The following TBXAS1 variants were observed in gnomAD, a reference collection of about 807,000 sequenced individuals.
TBXAS1 encodes thromboxane-A synthase.
In TBXAS1, 48 loss-of-function variants were observed where a neutral mutation model predicts 60.7. The observed-to-expected ratio is 0.79, with a 90% CI of 0.63 to 1.01. TBXAS1 has a LOEUF of 1.01. Ranked by LOEUF, TBXAS1 falls within the 50% of genes least tolerant of loss-of-function variation. The pLI, the probability that TBXAS1 is intolerant of heterozygous loss-of-function variation, is 0.00. For missense variants in TBXAS1, 685 were observed against 686.3 expected (o/e 1.00, Z 0.02); for synonymous variants, 287 against 269.7 (o/e 1.06, Z -0.63).
At chr7:139,958,693 C>T (rs1207412590) in intron 8 of TBXAS1, among the ~76,000 whole-genome samples, 5 of 152,200 alleles carry the variant, frequency 3.3e-5, no homozygotes, top group African/African-American at 1.2e-4. Context: ...GCAGCAGCCG[C>T]GTCCTGTGCA....
chr7:139,851,202 A>G (rs541568324), intron 1 of TBXAS1, among the ~76,000 whole-genome samples: 2 of 152,296 alleles, frequency 1.3e-5, no homozygotes, highest in African/African-American at 4.8e-5. Context: ...AATAATCTTC[A>G]CTTGACAGAC....
At position 139,987,693 on chromosome 7, in the gene TBXAS1, G is replaced by A. The variant is rs114573343; in HGVS notation, c.1135-19398G>A. The stretch of plus-strand genomic sequence containing the variant: ...TGTTTAATTCTAATGGAACCCTCCC[G>A]CCAAGACTACTCATCAGAGAGGAAG... On this transcript the variant is annotated intron_variant, in intron 9 of 12. Transcript: ENST00000448866. 6.9e-3 allele frequency among the ~76,000 whole-genome samples: 1,055 copies of A among 152,240 alleles called. 8 individuals carry two copies. Among genetic ancestry groups the A allele is most frequent in the African/African-American group, 0.022 (923 of 41,518 alleles).
chr7:139,959,737 C>T (rs1471793461), intron 8 of TBXAS1, among the ~76,000 whole-genome samples: 3 of 152,186 alleles, frequency 2.0e-5, no homozygotes, highest in African/African-American at 7.2e-5. Context: ...ATTACTCCTA[C>T]ACTACCTCAG....
intron 9 of TBXAS1, among the ~76,000 whole-genome samples, chr7:140,003,474 G>A (rs892083763): frequency 1.3e-5 from 2 of 152,148 alleles, no homozygotes; most frequent in African/African-American, 2.4e-5. Context: ...CAAAGTGCTG[G>A]GATTACAGGC....
intron 8 of TBXAS1, among the ~76,000 whole-genome samples, chr7:139,960,574 C>G (rs1027748308): frequency 1.3e-5 from 2 of 151,896 alleles, no homozygotes; most frequent in African/African-American, 2.4e-5. Flanking sequence ...GGTGAAACCC[C>G]GCCTCTACTA....
chr7:139,977,138 T>C (rs920422804), intron 9 of TBXAS1, among the ~76,000 whole-genome samples: 6 of 152,214 alleles, frequency 3.9e-5, no homozygotes, highest in Non-Finnish European at 5.9e-5. Context: ...ATCTGGTCTA[T>C]GCATCGACTC....
At chr7:139,817,998 G>A (rs1798194534) in intron 4 of TBXAS1, among the ~76,000 whole-genome samples, 1 of 152,136 alleles carries the variant, frequency 6.6e-6, no homozygotes, top group Non-Finnish European at 1.5e-5. Flanking sequence ...GAAACATTTC[G>A]TGATCACCTA....
At chr7:139,953,305 G>T in intron 5 of TBXAS1, 63 bp from the exon 6 acceptor site, 1 of 1,387,840 alleles carries the variant, frequency 7.2e-7, no homozygotes. Context: ...CTCTTCATCT[G>T]CAGCCAATTT....
intron 4 of TBXAS1, among the ~76,000 whole-genome samples, chr7:139,789,097 T>C (rs1797293660): frequency 6.6e-6 from 1 of 152,242 alleles, no homozygotes; most frequent in Non-Finnish European, 1.5e-5. Context: ...GTTAGTGTGA[T>C]GGGGTGTCAT....
chr7:139,828,598 A>G (rs115977911), upstream of TBXAS1, among the ~76,000 whole-genome samples: 9 of 152,212 alleles, frequency 5.9e-5, no homozygotes, highest in African/African-American at 1.9e-4. Flanking sequence ...TGAAGCTGCA[A>G]TCTAGTCCTG....
At chr7:139,831,390 A>G (rs1457473319) in intron 1 of TBXAS1, among the ~76,000 whole-genome samples, 1 of 152,212 alleles carries the variant, frequency 6.6e-6, no homozygotes, top group Non-Finnish European at 1.5e-5. Context: ...AACAGCCACC[A>G]GCTTGAATGA....
At chr7:139,884,757 AC>A (rs1802950838) in intron 3 of TBXAS1, among the ~76,000 whole-genome samples, 1 of 152,194 alleles carries the variant, frequency 6.6e-6, no homozygotes, top group Non-Finnish European at 1.5e-5. Context: ...CCAGGGCCCC[AC>A]TAGTGGGTGG....
chr7:139,804,898 A>G (rs1004236983), intron 4 of TBXAS1, among the ~76,000 whole-genome samples: 41 of 152,236 alleles, frequency 2.7e-4, no homozygotes, highest in African/African-American at 9.9e-4. Context: ...ATGAAAATGG[A>G]CTAATACAAC....
chr7:139,875,097 A>G (rs1274749462), intron 2 of TBXAS1, among the ~76,000 whole-genome samples: 1 of 152,176 alleles, frequency 6.6e-6, no homozygotes, highest in Non-Finnish European at 1.5e-5. Flanking sequence ...TCTGTCTCGA[A>G]AAAACAAACA....
intron 4 of TBXAS1, among the ~76,000 whole-genome samples, chr7:139,918,236 CT>C (rs1364641899): frequency 6.6e-6 from 1 of 152,126 alleles, no homozygotes; most frequent in Non-Finnish European, 1.5e-5. Context: ...TCAGACAATC[CT>C]TTAACCTCCT....
At chr7:139,926,176 G>A (rs1336480896) in intron 4 of TBXAS1, among the ~76,000 whole-genome samples, 1 of 152,122 alleles carries the variant, frequency 6.6e-6, no homozygotes, top group East Asian at 1.9e-4. Flanking sequence ...AGTGACTTTG[G>A]AAGCATTCCC....
chr7:139,895,461 TC>T (rs1804014022), intron 3 of TBXAS1, among the ~76,000 whole-genome samples: 1 of 152,078 alleles, frequency 6.6e-6, no homozygotes, highest in Non-Finnish European at 1.5e-5. Flanking sequence ...CTGTCAGTCA[TC>T]CCCCAGTAGG....
At chr7:140,016,172 C>CA (rs1462756754) in intron 11 of TBXAS1, among the ~76,000 whole-genome samples, 5 of 151,796 alleles carry the variant, frequency 3.3e-5, no homozygotes, top group Non-Finnish European at 2.9e-5. Flanking sequence ...ACTAAAAATA[C>CA]AAAAACTTAG....
At chr7:139,940,799 C>T (rs1300890410) in intron 5 of TBXAS1, among the ~76,000 whole-genome samples, 2 of 152,068 alleles carry the variant, frequency 1.3e-5, no homozygotes, top group Non-Finnish European at 2.9e-5. Flanking sequence ...ACATAATAGA[C>T]ATTCAGGAAC....
Sources: allele counts gnomAD v4.1 joint callset (sites outside exome capture counted in the v4.1 genomes callset), GRCh38; gene constraint gnomAD v4.1.1; transcripts MANE v1.5; gene names NCBI Gene and HGNC (gene_info 2026-07-23, HGNC 2026-07-21).